KAZN: variants seen among roughly 807,000 people sequenced by gnomAD.
KAZN encodes the protein kazrin, periplakin interacting protein, also known as kazrin.
Under a neutral mutation model 87.4 loss-of-function variants are expected in KAZN, and 40 were observed. That is an observed-to-expected ratio of 0.46 (90% CI 0.36 to 0.60). KAZN has a LOEUF of 0.60. Ranked by LOEUF, KAZN falls within the 20% of genes least tolerant of loss-of-function variation. The probability of loss-of-function intolerance (pLI) is 0.00; values close to 1 mark genes in which losing one functional copy is unlikely to be tolerated. For synonymous variants in KAZN, 466 were observed against 458.3 expected, an observed-to-expected ratio of 1.02 and a Z score of -0.22; for missense variants, 898 against 1,073.9, an observed-to-expected ratio of 0.84 and a Z score of 2.29.
chr1:14,675,836 G>C (rs1640187448), intron 1 of KAZN, among the ~76,000 whole-genome samples: 1 of 152,174 alleles, frequency 6.6e-6, no homozygotes, highest in Non-Finnish European at 1.5e-5. Flanking sequence ...AGAACCTTCT[G>C]GCCCTGTGTT....
chr1:14,050,377 A>T (rs1315088970), intron 1 of KAZN, among the ~76,000 whole-genome samples: 1 of 152,190 alleles, frequency 6.6e-6, no homozygotes, highest in Non-Finnish European at 1.5e-5. Flanking sequence ...GAACTGCTGG[A>T]GACTGGGTGA....
At chr1:15,106,614 C>G (rs565547430) in intron 13 of KAZN, among the ~76,000 whole-genome samples, 2 of 152,080 alleles carry the variant, frequency 1.3e-5, no homozygotes, top group Admixed American at 6.5e-5. Flanking sequence ...AAGAATGAGA[C>G]GAAATCAATG....
intron 1 of KAZN, among the ~76,000 whole-genome samples, chr1:13,924,185 A>T (rs1162348206): frequency 6.6e-6 from 1 of 152,158 alleles, no homozygotes; most frequent in African/African-American, 2.4e-5. Flanking sequence ...AGATAGCTAG[A>T]ACTGGAAAAG....
intron 1 of KAZN, among the ~76,000 whole-genome samples, chr1:13,898,492 C>A (rs759492710): frequency 1.3e-5 from 2 of 152,206 alleles, no homozygotes; most frequent in Non-Finnish European, 2.9e-5. Context: ...CTGCAGTTAC[C>A]TTGCTTGACC....
intron 1 of KAZN, chr1:13,893,868 C>T (rs1027108543): frequency 7.9e-7 from 1 of 1,263,940 alleles, no homozygotes; most frequent in African/African-American, 1.5e-5. Flanking sequence ...TCTACCTCAT[C>T]TCTTTCTTGA....
At chr1:14,664,950 C>T (rs751808106) in intron 1 of KAZN, among the ~76,000 whole-genome samples, 7 of 152,206 alleles carry the variant, frequency 4.6e-5, no homozygotes, top group Non-Finnish European at 7.3e-5. Context: ...CCACCGCACC[C>T]GGCTGGATCC....
At chr1:15,108,804 G>A (rs1349985327) in intron 13 of KAZN, among the ~76,000 whole-genome samples, 5 of 152,092 alleles carry the variant, frequency 3.3e-5, no homozygotes, top group Admixed American at 6.5e-5. Context: ...TCTCCATAAC[G>A]TTCCCTCATC....
At chr1:14,869,744 C>A (rs554822717) in intron 1 of KAZN, among the ~76,000 whole-genome samples, 39 of 152,358 alleles carry the variant, frequency 2.6e-4, no homozygotes, top group Admixed American at 2.2e-3. Flanking sequence ...TGCTTCTGTT[C>A]TCCTTCGTGT....
intron 1 of KAZN, among the ~76,000 whole-genome samples, chr1:13,905,951 G>A (rs1259221640): frequency 6.6e-6 from 1 of 152,042 alleles, no homozygotes; most frequent in Admixed American, 6.5e-5. Context: ...GTTCCTTCTG[G>A]GAGCGCCAAT....
chr1:14,853,578 C>G (rs1649719790), intron 1 of KAZN, among the ~76,000 whole-genome samples: 1 of 152,136 alleles, frequency 6.6e-6, no homozygotes, highest in Non-Finnish European at 1.5e-5. Context: ...CACTGTCCTG[C>G]CTCTCAGTGG....
intron 1 of KAZN, among the ~76,000 whole-genome samples, chr1:14,736,299 G>GTGTA (rs1214411509): frequency 0.029 from 3,491 of 120,914 alleles, 39 homozygotes; most frequent in African/African-American, 0.045. Context: ...GTGTGTGTGT[G>GTGTA]TATATTTTTT....
chr1:14,924,513 G>C, intron 1 of KAZN: 1 of 1,003,862 alleles, frequency 1.0e-6, no homozygotes, highest in Non-Finnish European at 1.2e-6. Flanking sequence ...GCGGGGCCCG[G>C]CGATCGGCCC....
chr1:14,938,018 T>G (rs1660645573), intron 1 of KAZN, among the ~76,000 whole-genome samples: 1 of 152,176 alleles, frequency 6.6e-6, no homozygotes, highest in African/African-American at 2.4e-5. Context: ...CAGGCTCCCC[T>G]CACTGAGCTA....
At chr1:15,101,493 T>C (rs1641067623) in intron 10 of KAZN, 50 bp from the exon 11 acceptor site, 2 of 1,322,728 alleles carry the variant, frequency 1.5e-6, no homozygotes, top group Non-Finnish European at 2.1e-6. Flanking sequence ...TCCGTCTGTT[T>C]CTGCCGCCTT....
At chr1:14,947,286 A>T (rs758037026) in intron 1 of KAZN, among the ~76,000 whole-genome samples, 16 of 151,946 alleles carry the variant, frequency 1.1e-4, no homozygotes, top group Non-Finnish European at 2.2e-4. Context: ...GGTGGGGAAG[A>T]GGGAGGATGG....
chr1:14,616,368 A>G (rs568002309), intron 1 of KAZN, among the ~76,000 whole-genome samples: 24 of 152,220 alleles, frequency 1.6e-4, no homozygotes, highest in South Asian at 4.2e-4. Flanking sequence ...GTGCCCTCAA[A>G]TAACTTAAAT....
intron 1 of KAZN, among the ~76,000 whole-genome samples, chr1:14,091,204 CA>C (rs1212848811): frequency 6.6e-6 from 1 of 151,814 alleles, no homozygotes; most frequent in African/African-American, 2.4e-5. Context: ...ATGCAAACCT[CA>C]GCCACTCTGG....
chr1:14,417,308 G>A (rs35338765), intron 2 of KAZN, among the ~76,000 whole-genome samples: 1 of 152,130 alleles, frequency 6.6e-6, no homozygotes, highest in Non-Finnish European at 1.5e-5. Flanking sequence ...TAAATCCATT[G>A]CACCAGGCTA....
chr1:14,357,008 A>T (rs1659088518), intron 2 of KAZN, among the ~76,000 whole-genome samples: 1 of 152,188 alleles, frequency 6.6e-6, no homozygotes, highest in African/African-American at 2.4e-5. Context: ...TCTATAAATT[A>T]CTTTGGGCAG....
Sources: allele counts gnomAD v4.1 joint callset (sites outside exome capture counted in the v4.1 genomes callset), GRCh38; gene constraint gnomAD v4.1.1; transcripts MANE v1.5; gene names NCBI Gene and HGNC (gene_info 2026-07-23, HGNC 2026-07-21).